Variants in DST observed in about 807,000 individuals in gnomAD.
DST encodes the protein bullous pemphigoid antigen.
In DST, 253 loss-of-function variants were observed where a neutral mutation model predicts 875.2. That is an observed-to-expected ratio of 0.29 (90% CI 0.26 to 0.32). The LOEUF (loss-of-function observed/expected upper bound fraction) is 0.32. Among genes scored for constraint, DST ranks in the 10% least tolerant of loss-of-function variants. The pLI, the probability that DST is intolerant of heterozygous loss-of-function variation, is 1.00. For missense variants in DST, 8,287 were observed against 9,111.6 expected, an observed-to-expected ratio of 0.91 and a Z score of 3.68; for synonymous variants, 3,124 against 3,197.1, an observed-to-expected ratio of 0.98 and a Z score of 0.77.
At chr6:56,882,609 C>G (rs979337098) in intron 3 of DST, among the ~76,000 whole-genome samples, 1 of 152,168 alleles carries the variant, frequency 6.6e-6, no homozygotes, top group African/African-American at 2.4e-5. Context: ...CACTGAAAAG[C>G]TATCTCCTGA....
rs751479941 is a variant in DST at position 56,843,171 on chromosome 6, G to A, written c.625+8226C>T. 6 of 1,540,340 alleles carry A rather than the reference G, an allele frequency of 3.9e-6. No homozygotes were observed. The African/African-American group carries it at 6.8e-5, about 17-fold the overall frequency. ...GCCGAAGTTTATCTAAGCGATGACT[G>A]ACAAATTCCCCTCTCCCCCTCGTAA... On this transcript the variant is annotated intron_variant, in intron 4 of 103. Transcript: ENST00000680361.
chr6:56,871,928 G>A (rs1227156234), intron 3 of DST, among the ~76,000 whole-genome samples: 4 of 152,140 alleles, frequency 2.6e-5, no homozygotes, highest in Admixed American at 6.5e-5. Context: ...TGAAAAGAAC[G>A]TGGCTCCTCA....
At chr6:56,651,895 G>A (rs145385402) in intron 10 of DST, among the ~76,000 whole-genome samples, 6 of 152,176 alleles carry the variant, frequency 3.9e-5, no homozygotes, top group East Asian at 1.9e-4. Context: ...CTCCCAAACC[G>A]TCAACTCCAA....
At chr6:56,550,423 C>A (rs1279476110) in intron 61 of DST, among the ~76,000 whole-genome samples, 1 of 152,160 alleles carries the variant, frequency 6.6e-6, no homozygotes, top group Non-Finnish European at 1.5e-5. Flanking sequence ...TCAAATAAAA[C>A]AATCTCTGTA....
intron 2 of DST, among the ~76,000 whole-genome samples, chr6:56,920,250 C>T (rs901194592): frequency 3.3e-5 from 5 of 152,168 alleles, no homozygotes; most frequent in Admixed American, 1.3e-4. Context: ...TACTTGCCCA[C>T]AGGGTTGAAG....
At chr6:56,678,295 T>TA (rs1480506984) in intron 9 of DST, among the ~76,000 whole-genome samples, 1 of 152,232 alleles carries the variant, frequency 6.6e-6, no homozygotes, top group Non-Finnish European at 1.5e-5. Flanking sequence ...AGAACTAGTC[T>TA]ACCTCAGGTA....
intron 4 of DST, among the ~76,000 whole-genome samples, chr6:56,797,108 CA>C (rs1177421047): frequency 6.6e-6 from 1 of 152,138 alleles, no homozygotes; most frequent in African/African-American, 2.4e-5. Context: ...TCACAATATT[CA>C]AACTTTTTCA....
At chr6:56,844,229 C>T (rs1222207497) in intron 4 of DST, among the ~76,000 whole-genome samples, 1 of 152,172 alleles carries the variant, frequency 6.6e-6, no homozygotes, top group Non-Finnish European at 1.5e-5. Flanking sequence ...TGCAGGTGGC[C>T]CCGCGCATCA....
At chr6:56,616,071 A>T in intron 36 of DST, 1 of 1,614,174 alleles carries the variant, frequency 6.2e-7, no homozygotes, top group Non-Finnish European at 8.5e-7. Context: ...TTTCTACGGG[A>T]GGCTTTTAGT....
At chr6:56,657,428 T>A (rs2099014888) in intron 10 of DST, among the ~76,000 whole-genome samples, 1 of 152,140 alleles carries the variant, frequency 6.6e-6, no homozygotes, top group Non-Finnish European at 1.5e-5. Flanking sequence ...TGGTCACATA[T>A]ATTTTTTTTA....
chr6:56,931,630 G>T (rs1810255646), intron 2 of DST, among the ~76,000 whole-genome samples: 1 of 152,202 alleles, frequency 6.6e-6, no homozygotes, highest in Non-Finnish European at 1.5e-5. Flanking sequence ...CCACAGGGGT[G>T]GAGCTGCCCA....
At chr6:56,708,355 C>T (rs2099349480) in intron 5 of DST, among the ~76,000 whole-genome samples, 1 of 152,070 alleles carries the variant, frequency 6.6e-6, no homozygotes, top group African/African-American at 2.4e-5. Flanking sequence ...AAAAGCTACT[C>T]TTAAGACTTA....
intron 72 of DST, among the ~76,000 whole-genome samples, chr6:56,513,321 C>T (rs949216248): frequency 2.6e-5 from 4 of 152,016 alleles, no homozygotes; most frequent in Admixed American, 6.5e-5. Context: ...ACCTCCGCCT[C>T]CCAGGTTCAA....
At chr6:56,841,880 T>A (rs2099800490) in intron 4 of DST, among the ~76,000 whole-genome samples, 1 of 152,136 alleles carries the variant, frequency 6.6e-6, no homozygotes, top group Non-Finnish European at 1.5e-5. Context: ...AAATGTGCTT[T>A]AGCCTAAAAT....
intron 4 of DST, among the ~76,000 whole-genome samples, chr6:56,772,911 A>G (rs760926844): frequency 4.1e-4 from 63 of 152,282 alleles, no homozygotes; most frequent in Non-Finnish European, 3.8e-4. Flanking sequence ...AGATTGCATT[A>G]TAAAAGACAA....
intron 37 of DST, among the ~76,000 whole-genome samples, chr6:56,613,259 C>T (rs544104343): frequency 6.6e-6 from 1 of 152,144 alleles, no homozygotes; most frequent in South Asian, 2.1e-4. Context: ...AAGTGCTTTC[C>T]CACATCTCCC....
chr6:56,475,840 A>G (rs2095161156), intron 92 of DST, among the ~76,000 whole-genome samples: 1 of 152,214 alleles, frequency 6.6e-6, no homozygotes, highest in African/African-American at 2.4e-5. Context: ...AGAGCTGAGG[A>G]TAACACCTAA....
chr6:56,869,783 G>C (rs1312454465), intron 3 of DST, among the ~76,000 whole-genome samples: 1 of 152,090 alleles, frequency 6.6e-6, no homozygotes, highest in Non-Finnish European at 1.5e-5. Context: ...CTCCCAGGCT[G>C]AAACGAGCCT....
At chr6:56,851,662 A>T in intron 3 of DST, 58 bp from the exon 4 acceptor site, 3 of 1,575,188 alleles carry the variant, frequency 1.9e-6, no homozygotes, top group Non-Finnish European at 2.6e-6. Context: ...ATGCTCAATG[A>T]TTTAAACATC....
Sources: gnomAD v4.1 joint callset for allele counts (sites outside exome capture counted in the v4.1 genomes callset) on GRCh38, gnomAD v4.1.1 for gene constraint, MANE v1.5 for transcripts, NCBI Gene and HGNC (gene_info 2026-07-23, HGNC 2026-07-21) for gene names.